The following MTUS2 variants were observed in gnomAD, a reference collection of about 807,000 sequenced individuals.
MTUS2 encodes microtubule associated scaffold protein 2, also known as microtubule-associated tumor suppressor candidate 2.
A neutral mutation model predicts 114.1 loss-of-function variants in MTUS2; 40 were observed. That is an observed-to-expected ratio of 0.35 (90% CI 0.27 to 0.46). The LOEUF (loss-of-function observed/expected upper bound fraction) is 0.46. Ranked by LOEUF, MTUS2 falls within the 20% of genes least tolerant of loss-of-function variation. The pLI is 1.00. For synonymous variants in MTUS2, 688 were observed against 672.0 expected, an observed-to-expected ratio of 1.02 and a Z score of -0.37; for missense variants, 1,679 against 1,705.4, an observed-to-expected ratio of 0.98 and a Z score of 0.27.
chr13:28,850,979 G>A (rs922455197), intron 2 of MTUS2, among the ~76,000 whole-genome samples: 9 of 152,104 alleles, frequency 5.9e-5, no homozygotes, highest in South Asian at 2.1e-4. Context: ...TGTATCTCTC[G>A]TTTGCCAGAA....
At chr13:28,901,194 C>A (rs1156579503) in intron 2 of MTUS2, among the ~76,000 whole-genome samples, 1 of 152,030 alleles carries the variant, frequency 6.6e-6, no homozygotes, top group Non-Finnish European at 1.5e-5. Context: ...CTATTCATGT[C>A]TTTTGCTCAT....
chr13:29,328,578 A>G (rs1900628243), intron 7 of MTUS2, among the ~76,000 whole-genome samples: 1 of 152,214 alleles, frequency 6.6e-6, no homozygotes, highest in Non-Finnish European at 1.5e-5. Context: ...TGTGGAGACC[A>G]AGGTTCTTAG....
At chr13:29,074,950 A>G (rs1282044700) in intron 4 of MTUS2, among the ~76,000 whole-genome samples, 1 of 152,214 alleles carries the variant, frequency 6.6e-6, no homozygotes, top group Admixed American at 6.5e-5. Flanking sequence ...CCATCACTAC[A>G]GTAATTTGAG....
chr13:29,193,146 T>C (rs905468663), intron 5 of MTUS2, among the ~76,000 whole-genome samples: 1 of 152,172 alleles, frequency 6.6e-6, no homozygotes. Flanking sequence ...TGATGTTCTT[T>C]CTGTGGTCAC....
rs200133422 is a variant in MTUS2 at position 29,025,074 on chromosome 13, A to G, written c.376A>G (p.Ser126Gly). 141 of 1,613,714 alleles carry G rather than the reference A, an allele frequency of 8.7e-5. No individual in the cohort carries two copies. Among genetic ancestry groups the G allele is most frequent in the Admixed American group, 4.2e-4 (25 of 59,978 alleles). Residue 126 changes from serine (S) to glycine (G), a missense_variant, in exon 3 of 16, where the codon AGT (serine) becomes GGT (glycine). Ser to Gly is a moderately conservative substitution (Grantham distance 56). This residue lies in a region of MTUS2 where 843 missense variants were observed against 770.8 expected (regional missense o/e 1.09). Coordinates refer to ENST00000612955, the MANE Select transcript of MTUS2 (RefSeq NM_001033602.4). ...RGTDSLQTTR[S>G]IQGPSLSSWR... ...CACAGATAGCCTGCAGACCACGCGGAGTATTCAGGGACCAAGTCTGTCGAG... is the reference window on the plus strand; with the variant it reads ...CACAGATAGCCTGCAGACCACGCGGGGTATTCAGGGACCAAGTCTGTCGAG...
At chr13:29,198,164 A>G (rs1274464759) in intron 5 of MTUS2, among the ~76,000 whole-genome samples, 5 of 152,078 alleles carry the variant, frequency 3.3e-5, no homozygotes, top group African/African-American at 1.2e-4. Context: ...CCTGAATGGT[A>G]TTGCCTAGGT....
At chr13:28,960,571 CATT>C (rs1277040980) in intron 2 of MTUS2, among the ~76,000 whole-genome samples, 8 of 152,062 alleles carry the variant, frequency 5.3e-5, no homozygotes, top group South Asian at 2.1e-4. Context: ...ATTTTGAAAA[CATT>C]ATGCTGAGTA....
At chr13:28,828,550 T>C (rs1455106293) in intron 1 of MTUS2, among the ~76,000 whole-genome samples, 3 of 152,158 alleles carry the variant, frequency 2.0e-5, no homozygotes, top group Non-Finnish European at 2.9e-5. Context: ...AATTATTAAT[T>C]TGGGGAACTA....
intron 2 of MTUS2, among the ~76,000 whole-genome samples, chr13:28,998,115 T>G (rs9506071): frequency 0.52 from 78,102 of 150,326 alleles, 20,654 homozygotes; most frequent in East Asian, 0.68. Context: ...GCATTTGCTT[T>G]GCTGTAAAGG....
At chr13:29,169,107 T>G (rs1429962511) in intron 5 of MTUS2, among the ~76,000 whole-genome samples, 2 of 152,148 alleles carry the variant, frequency 1.3e-5, no homozygotes, top group African/African-American at 4.8e-5. Flanking sequence ...CCAGGCTTGC[T>G]GGGGTACAAA....
At chr13:29,350,885 C>G (rs1869173743) in intron 7 of MTUS2, among the ~76,000 whole-genome samples, 1 of 151,254 alleles carries the variant, frequency 6.6e-6, no homozygotes, top group African/African-American at 2.4e-5. Context: ...GGGCCCCACT[C>G]TTGGGACCTA....
At chr13:29,260,210 T>C (rs1897418846) in intron 5 of MTUS2, among the ~76,000 whole-genome samples, 1 of 152,260 alleles carries the variant, frequency 6.6e-6, no homozygotes, top group African/African-American at 2.4e-5. Context: ...TCCACTGGGC[T>C]TCCCAATAGA....
chr13:28,862,235 T>A (rs752619700), intron 2 of MTUS2, among the ~76,000 whole-genome samples: 10 of 152,188 alleles, frequency 6.6e-5, no homozygotes, highest in African/African-American at 9.7e-5. Flanking sequence ...TGATACCTGA[T>A]AGGATATACC....
At chr13:28,910,186 CTT>C (rs1419345244) in intron 2 of MTUS2, among the ~76,000 whole-genome samples, 1 of 152,112 alleles carries the variant, frequency 6.6e-6, no homozygotes, top group African/African-American at 2.4e-5. Flanking sequence ...ACCCGTTACC[CTT>C]CCCAGCCTCT....
chr13:29,111,896 G>T (rs1223879519), intron 5 of MTUS2, among the ~76,000 whole-genome samples: 2 of 152,104 alleles, frequency 1.3e-5, no homozygotes, highest in African/African-American at 2.4e-5. Context: ...GGTTACAGTG[G>T]GAATGATAAA....
At chr13:29,308,365 G>A (rs7990733) in intron 6 of MTUS2, among the ~76,000 whole-genome samples, 42,035 of 152,050 alleles carry the variant, frequency 0.28, 6,312 homozygotes, top group Admixed American at 0.39. Flanking sequence ...GCAGAAAAAC[G>A]AAAATGGACC....
intron 2 of MTUS2, among the ~76,000 whole-genome samples, chr13:28,880,302 A>T (rs903837327): frequency 6.6e-6 from 1 of 152,236 alleles, no homozygotes; most frequent in Non-Finnish European, 1.5e-5. Flanking sequence ...ATGAGGAAAA[A>T]AATACATTTT....
At chr13:29,455,921 C>T (rs2138762890) in intron 9 of MTUS2, among the ~76,000 whole-genome samples, 1 of 152,146 alleles carries the variant, frequency 6.6e-6, no homozygotes, top group East Asian at 1.9e-4. Context: ...GTTGAGGTTG[C>T]AGTGAGCTAT....
chr13:29,448,744 CAG>C (rs1378753610), intron 9 of MTUS2, among the ~76,000 whole-genome samples: 2 of 140,304 alleles, frequency 1.4e-5, no homozygotes, highest in Admixed American at 7.4e-5. Flanking sequence ...AGTTGAAAAA[CAG>C]AGTGCTCTTT....
Sources: gnomAD v4.1 joint callset for allele counts (sites outside exome capture counted in the v4.1 genomes callset) on GRCh38, gnomAD v4.1.1 for gene constraint, gnomAD v4.1.1 regional missense constraint, MANE v1.5 for transcripts, NCBI Gene and HGNC (gene_info 2026-07-23, HGNC 2026-07-21) for gene names.